PER3: variants seen among roughly 807,000 people sequenced by gnomAD.
PER3 encodes period circadian regulator 3, also known as period circadian protein homolog 3.
In PER3, 107 loss-of-function variants were observed where a neutral mutation model predicts 127.2. That is an observed-to-expected ratio of 0.84 (90% CI 0.72 to 0.99). PER3 has a LOEUF of 0.99. PER3 is among the 50% of genes least tolerant of loss of function. The pLI, the probability that PER3 is intolerant of heterozygous loss-of-function variation, is 0.00. For missense variants in PER3, 1,560 were observed against 1,525.8 expected, an observed-to-expected ratio of 1.02 and a Z score of -0.37; for synonymous variants, 618 against 585.8, an observed-to-expected ratio of 1.05 and a Z score of -0.79.
intron 5 of PER3, among the ~76,000 whole-genome samples, chr1:7,793,540 C>T (rs6577457): frequency 2.0e-5 from 3 of 152,120 alleles, no homozygotes; most frequent in Admixed American, 6.5e-5. Context: ...AATTATATAT[C>T]GTATAGCTAA....
chr1:7,801,308 C>T, intron 8 of PER3, 117 bp downstream of exon 8: 1 of 606,490 alleles, frequency 1.6e-6, no homozygotes, highest in South Asian at 2.3e-5. Context: ...GTCCATTTGC[C>T]TATTTGATTT....
chr1:7,794,940 A>G (rs1254359065), intron 6 of PER3, among the ~76,000 whole-genome samples: 2 of 152,004 alleles, frequency 1.3e-5, no homozygotes, highest in African/African-American at 4.8e-5. Context: ...TGTAATAAGA[A>G]CAAATATTTT....
intron 13 of PER3, 49 bp downstream of exon 13, chr1:7,810,637 T>C: frequency 6.4e-7 from 1 of 1,553,436 alleles, no homozygotes; most frequent in East Asian, 2.3e-5. Flanking sequence ...GCTGTCACTC[T>C]CTGCATAGAC....
chr1:7,842,609 GT>G, intron 21 of PER3, 62 bp from the exon 22 acceptor site: 2 of 1,589,466 alleles, frequency 1.3e-6, no homozygotes, highest in East Asian at 4.5e-5. Context: ...GCCTTTTACT[GT>G]TTTAAAACTC....
chr1:7,825,891 C>A (rs1397649640), intron 16 of PER3, among the ~76,000 whole-genome samples: 14 of 141,148 alleles, frequency 9.9e-5, no homozygotes, highest in South Asian at 4.5e-4. Flanking sequence ...AACTCCATCT[C>A]AAAAAAAAAA....
intron 13 of PER3, among the ~76,000 whole-genome samples, chr1:7,813,568 A>G (rs1354511592): frequency 1.3e-5 from 2 of 152,212 alleles, no homozygotes; most frequent in Non-Finnish European, 2.9e-5. Context: ...AAAAGCTGAA[A>G]GTGGAGCAGA....
chr1:7,803,801 C>G lies in PER3; in HGVS notation c.1089C>G (p.Pro363=), dbSNP rs1365573198. 6.2e-7 allele frequency: 1 copy of G among 1,613,804 alleles called. No homozygotes were observed. The highest frequency in any genetic ancestry group is 8.5e-7 in the Non-Finnish European group (1 of 1,179,748). Residue 363 remains proline, a synonymous_variant, in exon 10 of 22, where the codon CCC becomes CCG. Transcript: ENST00000377532. ...LDSSWSSFVN[P]WSRKISFIIG... ...CCAGTTGGTCCAGCTTTGTGAATCCCTGGAGCCGGAAGATTTCTTTCATCA... is the reference window on the plus strand; with the variant it reads ...CCAGTTGGTCCAGCTTTGTGAATCCGTGGAGCCGGAAGATTTCTTTCATCA...
intron 10 of PER3, among the ~76,000 whole-genome samples, chr1:7,806,812 A>AAAATATATATATATAT (rs61141023): frequency 3.3e-5 from 2 of 60,624 alleles, no homozygotes; most frequent in African/African-American, 1.4e-4. Context: ...AAAAAAAAAA[A>AAAATATATATATATAT]ATATATATAT....
rs372610495 is a variant in PER3 at position 7,803,714 on chromosome 1, T to G, written c.1002T>G (p.Pro334=). The G allele has an allele frequency of 6.2e-7, 1 of 1,605,520 alleles. No individual in the cohort carries two copies. The highest frequency in any genetic ancestry group is 1.3e-5 in the African/African-American group (1 of 74,760). The part of the protein sequence containing the change: ...HQKVLKYAGH[P]PFEHSPIRFC... ...TAGTTTTGAAGTATGCAGGGCATCC[T>G]CCCTTTGAACATTCTCCCATTCGAT... The change falls in exon 10 of 22, where the codon CCT becomes CCG. Residue 334 remains proline, a synonymous_variant. Coordinates refer to ENST00000377532, the MANE Select transcript of PER3 (RefSeq NM_001377275.1).
At position 7,827,571 on chromosome 1, in the gene PER3, C is replaced by T. The variant is rs1049433732; in HGVS notation, c.2642C>T (p.Ala881Val). Residue 881 changes from alanine to valine, a missense_variant, in exon 18 of 22, where the codon GCG becomes GTG. Ala to Val is a moderately conservative substitution (Grantham distance 64). Coordinates refer to ENST00000377532, the MANE Select transcript of PER3 (RefSeq NM_001377275.1). ...PSFLPCPFLG[A>V]TASSAISPSM... ...TTTTTGCCATGTCCATTCCTGGGGG[C>T]GACAGCCTCTTCTGCGATATCACCC... 6.2e-7 allele frequency: 1 copy of T among 1,614,092 alleles called. No individual in the cohort carries two copies. Among genetic ancestry groups the T allele is most frequent in the South Asian group, 1.1e-5 (1 of 91,086 alleles).
intron 10 of PER3, among the ~76,000 whole-genome samples, chr1:7,804,370 TC>T (rs2097183784): frequency 6.6e-6 from 1 of 150,930 alleles, no homozygotes; most frequent in Non-Finnish European, 1.5e-5. Context: ...ATATCAGCCT[TC>T]CGCCATCAAA....
chr1:7,826,581 C>G lies in PER3; in HGVS notation c.2059C>G (p.Leu687Val). ...ACACGTGGGGCTCACAGCGGCTGTT[C>G]TGTCAGCGCACACCCAGAAGGAAGA... ...FKHVGLTAAV[L>V]SAHTQKEEQN... Residue 687 changes from leucine (L) to valine (V), a missense_variant, in exon 17 of 22, where the codon CTG (leucine) becomes GTG (valine). Coordinates refer to ENST00000377532, the MANE Select transcript of PER3 (RefSeq NM_001377275.1). This position sits in a 1 kb window ranked among gnomAD's most constrained non-coding sequence, Gnocchi z 4.2. 1 of 1,613,402 alleles carries G rather than the reference C, an allele frequency of 6.2e-7. No homozygotes were observed. The highest frequency in any genetic ancestry group is 8.5e-7 in the Non-Finnish European group (1 of 1,179,324).
intron 6 of PER3, among the ~76,000 whole-genome samples, chr1:7,797,188 GTGTGAGCATGGA>G (rs74263033): frequency 0.56 from 84,946 of 151,632 alleles, 25,068 homozygotes; most frequent in Middle Eastern, 0.72. Context: ...AAGCTGGAAG[GTGTGAGCATGGA>G]TGTGAGCATG....
chr1:7,836,268 C>T (rs996563125), intron 20 of PER3, among the ~76,000 whole-genome samples: 3 of 152,202 alleles, frequency 2.0e-5, no homozygotes, highest in African/African-American at 7.2e-5. Context: ...CAACCTCCAC[C>T]TCCCAGGTTC....
intron 6 of PER3, among the ~76,000 whole-genome samples, chr1:7,796,319 CTTTT>C (rs71567315): frequency 5.5e-5 from 6 of 109,814 alleles, no homozygotes; most frequent in Non-Finnish European, 1.1e-4. Flanking sequence ...TTTCAGTTTC[CTTTT>C]TTTTTTTTTT....
At chr1:7,807,753 A>G (rs1244100372) in intron 10 of PER3, among the ~76,000 whole-genome samples, 1 of 152,194 alleles carries the variant, frequency 6.6e-6, no homozygotes, top group African/African-American at 2.4e-5. Context: ...ACCCACAGGC[A>G]GTACAGTGTG....
At chr1:7,791,672 C>A (rs759685161) in intron 5 of PER3, among the ~76,000 whole-genome samples, 2 of 152,192 alleles carry the variant, frequency 1.3e-5, no homozygotes, top group African/African-American at 4.8e-5. Context: ...TACAAATTTT[C>A]CAAGTTGTTA....
intron 14 of PER3, among the ~76,000 whole-genome samples, chr1:7,819,631 A>G (rs1003131953): frequency 2.6e-5 from 4 of 152,234 alleles, no homozygotes; most frequent in Admixed American, 6.5e-5. Flanking sequence ...GAACTGTGGT[A>G]TAGTTCAGAA....
At chr1:7,786,664 G>A in intron 3 of PER3, 57 bp from the exon 4 acceptor site, 1 of 888,940 alleles carries the variant, frequency 1.1e-6, no homozygotes, top group East Asian at 2.4e-5. Context: ...TGATGAAATG[G>A]TTTCCTAAAG....
Sources: allele counts gnomAD v4.1 joint callset (sites outside exome capture counted in the v4.1 genomes callset), GRCh38; gene constraint gnomAD v4.1.1; non-coding constraint Gnocchi (gnomAD v3.1); transcripts MANE v1.5; gene names NCBI Gene and HGNC (gene_info 2026-07-23, HGNC 2026-07-21).